ANKRD13A: variants seen among roughly 807,000 people sequenced by gnomAD.
ANKRD13A encodes ankyrin repeat domain-containing protein 13A.
ANKRD13A carries 48 observed loss-of-function variants against 81.3 expected under a neutral mutation model. That is an observed-to-expected ratio of 0.59 (90% CI 0.47 to 0.75). The LOEUF is 0.75. ANKRD13A is among the 30% of genes least tolerant of loss of function. The pLI is 0.00. For synonymous variants in ANKRD13A, 230 were observed against 270.1 expected (o/e 0.85, Z 1.45); for missense variants, 612 against 734.0 (o/e 0.83, Z 1.92).
Position 110,032,077 on chromosome 12 carries a change from A to G in ANKRD13A, c.1348+1319A>G, listed in dbSNP as rs1383045323. ...TTTTTCTTGACTTACTGGACTGGCT[A>G]GGACATCTAGTACAATGTTGAGTAA... On this transcript the variant is annotated intron_variant, in intron 12 of 14. Coordinates refer to ENST00000261739, the MANE Select transcript of ANKRD13A (RefSeq NM_033121.2). 3.3e-5 allele frequency among the ~76,000 whole-genome samples: 5 copies of G among 152,142 alleles called. No homozygotes were observed. The East Asian group carries it at 7.7e-4, about 23-fold the overall frequency.
At position 109,999,969 on chromosome 12, in the gene ANKRD13A, A is replaced by C. The variant is rs1157329192; in HGVS notation, c.96+185A>C. Among the ~76,000 whole-genome samples, 1 of 152,132 alleles carries C rather than the reference A, an allele frequency of 6.6e-6. No individual in the cohort carries two copies. Among genetic ancestry groups the C allele is most frequent in the Non-Finnish European group, 1.5e-5 (1 of 68,022 alleles). ...GTGCTTACCGTGCGACGGGCTTTTT[A>C]AATATCTTCTCTCTTCACCTTTCCA... On this transcript the variant is annotated intron_variant, in intron 1 of 14. Coordinates refer to ENST00000261739, the MANE Select transcript of ANKRD13A (RefSeq NM_033121.2). This position sits in a 1 kb window ranked among gnomAD's most constrained non-coding sequence, Gnocchi z 4.3.
intron 8 of ANKRD13A, chr12:110,027,136 G>T (rs1288345039): frequency 6.6e-6 from 1 of 152,550 alleles, no homozygotes; most frequent in African/African-American, 2.4e-5. Context: ...AACATTGCAT[G>T]TGGTTGCCAC....
chr12:110,000,660 A>G (rs1483099687), intron 1 of ANKRD13A, among the ~76,000 whole-genome samples: 2 of 151,534 alleles, frequency 1.3e-5, no homozygotes, highest in Non-Finnish European at 2.9e-5. Context: ...TCAACATCCT[A>G]CAATGGCCAA....
chr12:110,031,593 C>T (rs1322943568), intron 12 of ANKRD13A, among the ~76,000 whole-genome samples: 1 of 152,122 alleles, frequency 6.6e-6, no homozygotes, highest in Admixed American at 6.6e-5. Context: ...TCAAGTGATC[C>T]ACCCAGCTCG....
intron 4 of ANKRD13A, among the ~76,000 whole-genome samples, chr12:110,017,114 T>C (rs1274301844): frequency 6.6e-6 from 1 of 152,176 alleles, no homozygotes; most frequent in Non-Finnish European, 1.5e-5. Context: ...TTCATTATGT[T>C]GGCCAGGCTG....
Position 110,036,153 on chromosome 12 carries a change from G to T in ANKRD13A, c.1510-108G>T. 9 of 1,029,436 alleles carry T rather than the reference G, an allele frequency of 8.7e-6. No homozygotes were observed. The South Asian group carries it at 1.2e-4, about 13-fold the overall frequency. The allele number at this position is 1,029,436 out of a possible 1,614,324, so 63.8% of individuals were successfully genotyped here. A position where few individuals can be genotyped will look rare whatever the true frequency, so the allele number is the denominator to read the frequency against. ...CTTTTCACACAGCACTATTGATAAT[G>T]GTCATGGAAAGACTTTTAATTTGGT... On this transcript the variant is annotated intron_variant, in intron 13 of 14. Coordinates refer to ENST00000261739, the MANE Select transcript of ANKRD13A (RefSeq NM_033121.2). This position sits in a 1 kb window ranked among gnomAD's most constrained non-coding sequence, Gnocchi z 4.6.
intron 7 of ANKRD13A, 60 bp downstream of exon 7, chr12:110,024,172 G>T (rs1891210057): frequency 1.4e-6 from 2 of 1,468,636 alleles, no homozygotes; most frequent in Admixed American, 4.3e-5. Flanking sequence ...TGCAAATGAG[G>T]AATCTGTTCC....
intron 1 of ANKRD13A, among the ~76,000 whole-genome samples, chr12:110,004,790 C>T (rs188267044): frequency 1.7e-4 from 26 of 152,122 alleles, no homozygotes; most frequent in Non-Finnish European, 2.9e-4. Flanking sequence ...ATAGTGTGGG[C>T]GTATGATAAT....
At chr12:110,013,280 C>G in intron 3 of ANKRD13A, 31 bp downstream of exon 3, 1 of 1,612,756 alleles carries the variant, frequency 6.2e-7, no homozygotes, top group Non-Finnish European at 8.5e-7. Context: ...AGGCCATAAT[C>G]TGAGCTAAAT....
chr12:110,008,849 T>A (rs1347787661), intron 1 of ANKRD13A, among the ~76,000 whole-genome samples: 1 of 152,126 alleles, frequency 6.6e-6, no homozygotes, highest in East Asian at 1.9e-4. Context: ...TGTGCCACTA[T>A]ACTCCAGCCT....
At chr12:110,012,218 A>G in intron 2 of ANKRD13A, 81 bp downstream of exon 2, 3 of 1,465,682 alleles carry the variant, frequency 2.0e-6, no homozygotes, top group Non-Finnish European at 2.8e-6. Context: ...TATGAAAATT[A>G]GCCAGGTGCG....
chr12:110,023,720 C>G, intron 6 of ANKRD13A: 1 of 234,234 alleles, frequency 4.3e-6, no homozygotes, highest in South Asian at 9.2e-5. Context: ...CCCTTGGATG[C>G]TGGTCATCTT....
Position 110,037,904 on chromosome 12 carries a change from AACAAG to A in ANKRD13A, c.*356_*360del, listed in dbSNP as rs1351966920. The A allele has an allele frequency of 5.6e-6, 1 of 179,936 alleles. No homozygotes were observed. Among genetic ancestry groups the A allele is most frequent in the Non-Finnish European group, 1.2e-5 (1 of 85,152 alleles). 11.1% of individuals were successfully genotyped at this position (179,936 alleles called of 1,614,324 possible). A position where few individuals can be genotyped will look rare whatever the true frequency, so the allele number is the denominator to read the frequency against. On this transcript the variant is annotated 3_prime_UTR_variant, in exon 15 of 15. Transcript: ENST00000261739. ...AGATAAATTTTTATCAAGGAGTGAT[AACAAG>A]ACAAGTTATTGCAGAGTCAGGGTGC... is the stretch of plus-strand genomic sequence containing the variant.
intron 2 of ANKRD13A, among the ~76,000 whole-genome samples, chr12:110,012,770 G>GC (rs779916353): frequency 1.3e-4 from 20 of 152,204 alleles, no homozygotes; most frequent in Non-Finnish European, 2.8e-4. Context: ...TGTTGACTGA[G>GC]CAGGGATACT....
At chr12:110,034,004 C>G (rs780130640) in intron 13 of ANKRD13A, 47 bp downstream of exon 13, 6 of 1,527,048 alleles carry the variant, frequency 3.9e-6, no homozygotes, top group Non-Finnish European at 5.3e-6. Flanking sequence ...GAGGTCTTAC[C>G]CTCTGGGTTA....
intron 7 of ANKRD13A, among the ~76,000 whole-genome samples, chr12:110,025,324 C>G (rs1444089002): frequency 6.6e-6 from 1 of 151,264 alleles, no homozygotes; most frequent in Admixed American, 6.6e-5. Flanking sequence ...CCACTGCACT[C>G]CAGCCTGGGC....
chr12:110,016,446 G>T lies in ANKRD13A; in HGVS notation c.400+13G>T. The T allele has an allele frequency of 6.3e-7, 1 of 1,577,932 alleles. No individual in the cohort carries two copies. Among genetic ancestry groups the T allele is most frequent in the Non-Finnish European group, 8.6e-7 (1 of 1,158,324 alleles). On this transcript the variant is annotated intron_variant, in intron 4 of 14. Transcript: ENST00000261739. ...TTCACCAGCTGGGGTGAGTGGCTGT[G>T]GGCTCGTTATTTATTTCTCTTTCTA...
chr12:110,012,122 C>A lies in ANKRD13A; in HGVS notation c.214C>A (p.Arg72Ser), dbSNP rs769790065. 1 of 1,611,078 alleles carries A rather than the reference C, an allele frequency of 6.2e-7. No homozygotes were observed. The highest frequency in any genetic ancestry group is 8.5e-7 in the Non-Finnish European group (1 of 1,177,532). ...TAAAGCAGATGTGACAAAAGAAAAT[C>A]GCCAGGGATGGACAGGTAAGTATAC... Reference protein sequence around the residue: ...RHKADVTKENRQGWTVLHEAV... With the variant: ...RHKADVTKENSQGWTVLHEAV... The change falls in exon 2 of 15, where the codon CGC (arginine) becomes AGC (serine). Residue 72 changes from arginine (R) to serine (S), a missense_variant. Coordinates refer to ENST00000261739, the MANE Select transcript of ANKRD13A (RefSeq NM_033121.2).
chr12:110,004,134 G>A (rs1359280244), intron 1 of ANKRD13A, among the ~76,000 whole-genome samples: 2 of 151,450 alleles, frequency 1.3e-5, no homozygotes, highest in African/African-American at 4.9e-5. Context: ...CTCTAGGCCC[G>A]GCAACAGTAT....
Sources: gnomAD v4.1 joint callset for allele counts (sites outside exome capture counted in the v4.1 genomes callset) on GRCh38, gnomAD v4.1.1 for gene constraint, Gnocchi (gnomAD v3.1) non-coding constraint, MANE v1.5 for transcripts, NCBI Gene and HGNC (gene_info 2026-07-23, HGNC 2026-07-21) for gene names.